Variants in ZNF91 observed in about 807,000 individuals in gnomAD.
The protein encoded by ZNF91 is zinc finger protein 91, also known as zinc finger protein 91 (HPF7, HTF10).
In ZNF91, 7 loss-of-function variants were observed where a neutral mutation model predicts 12.6. That is an observed-to-expected ratio of 0.55 (90% CI 0.31 to 1.04). The LOEUF is 1.04. Among genes scored for constraint, ZNF91 ranks in the 50% least tolerant of loss-of-function variants. ZNF91 has a pLI of 0.05. For synonymous variants in ZNF91, 453 were observed against 462.6 expected (o/e 0.98, Z 0.27); for missense variants, 1,217 against 1,385.4 (o/e 0.88, Z 1.93).
At chr19:23,388,590 G>C (rs1015848394) in intron 1 of ZNF91, among the ~76,000 whole-genome samples, 1 of 152,178 alleles carries the variant, frequency 6.6e-6, no homozygotes, top group Non-Finnish European at 1.5e-5. Flanking sequence ...CCAATGCGGA[G>C]GCCAAATGCA....
At chr19:23,388,293 A>G (rs556632752) in intron 1 of ZNF91, among the ~76,000 whole-genome samples, 1 of 152,120 alleles carries the variant, frequency 6.6e-6, no homozygotes, top group Admixed American at 6.5e-5. Flanking sequence ...CATAAACATC[A>G]TGGAATACCG....
At chr19:23,366,238 C>A (rs575011454) in intron 3 of ZNF91, among the ~76,000 whole-genome samples, 1 of 151,152 alleles carries the variant, frequency 6.6e-6, no homozygotes, top group East Asian at 2.0e-4. Context: ...GCTGGCCGGG[C>A]GGGGGGCTGA....
intron 3 of ZNF91, among the ~76,000 whole-genome samples, chr19:23,364,193 C>T (rs1433668884): frequency 6.6e-6 from 1 of 152,160 alleles, no homozygotes; most frequent in South Asian, 2.1e-4. Context: ...GTGACACATG[C>T]CTGTAATCCC....
chr19:23,306,330 C>T (rs1967398461), intron 3 of ZNF91, among the ~76,000 whole-genome samples: 2 of 152,198 alleles, frequency 1.3e-5, no homozygotes, highest in South Asian at 2.1e-4. Flanking sequence ...TGCACCTTCA[C>T]AGAACCTTCA....
At chr19:23,372,418 C>T (rs1969318735) in intron 3 of ZNF91, among the ~76,000 whole-genome samples, 1 of 152,080 alleles carries the variant, frequency 6.6e-6, no homozygotes. Flanking sequence ...TTGCAAGACC[C>T]CATCTCAAAA....
chr19:23,310,986 A>T (rs1162529126), upstream of ZNF91, among the ~76,000 whole-genome samples: 1 of 152,104 alleles, frequency 6.6e-6, no homozygotes, highest in Non-Finnish European at 1.5e-5. Context: ...TCACCTGGAA[A>T]ATGTGACTCT....
intron 3 of ZNF91, among the ~76,000 whole-genome samples, chr19:23,364,376 C>A (rs1266902749): frequency 6.6e-6 from 1 of 152,026 alleles, no homozygotes. Flanking sequence ...AACCCGGAGG[C>A]AGTGGTTGTG....
intron 1 of ZNF91, among the ~76,000 whole-genome samples, chr19:23,379,389 T>G (rs1969616474): frequency 6.6e-6 from 1 of 152,208 alleles, no homozygotes; most frequent in Non-Finnish European, 1.5e-5. Flanking sequence ...TAATTTTTAT[T>G]AATTCTCTTC....
At chr19:23,368,562 C>CTCTCTATATATATA (rs768532900) in intron 3 of ZNF91, among the ~76,000 whole-genome samples, 2 of 118,578 alleles carry the variant, frequency 1.7e-5, no homozygotes, top group East Asian at 3.1e-4. Context: ...CTCTCTCTCT[C>CTCTCTATATATATA]TATATATATA....
chr19:23,357,475 A>G (rs567236011), downstream of ZNF91, among the ~76,000 whole-genome samples: 1 of 152,278 alleles, frequency 6.6e-6, no homozygotes, highest in South Asian at 2.1e-4. Flanking sequence ...CCTTAAAATG[A>G]TTTTGTTCCA....
Position 23,358,898 on chromosome 19 carries a change from T to C in ZNF91, c.*505A>G, listed in dbSNP as rs1013828607. Reference sequence around the variant, plus strand: ...TCTCCAGTATGAATAATATTATGTCTGTTAAGAATTCAGGACTTTTTATAG... The same window carrying C: ...TCTCCAGTATGAATAATATTATGTCCGTTAAGAATTCAGGACTTTTTATAG... On this transcript the variant is annotated 3_prime_UTR_variant, in exon 4 of 4. Transcript: ENST00000300619. 13 of 212,588 alleles carry C rather than the reference T, an allele frequency of 6.1e-5. No homozygotes were observed. The highest frequency in any genetic ancestry group is 3.1e-4 in the African/African-American group (13 of 42,468). The allele number at this position is 212,588 out of a possible 1,614,324, so 13.2% of individuals were successfully genotyped here.
chr19:23,362,899 A>G (rs1968870494), intron 3 of ZNF91, among the ~76,000 whole-genome samples, 174 bp from the exon 4 acceptor site: 1 of 152,134 alleles, frequency 6.6e-6, no homozygotes, highest in Admixed American at 6.6e-5. Flanking sequence ...TTTGAGACGG[A>G]GTCTCGCTCT....
rs529512977 is a variant in ZNF91 at position 23,345,708 on chromosome 19, TC to T, written c.254-6655del. 7.8e-4 allele frequency among the ~76,000 whole-genome samples: 118 copies of T among 152,168 alleles called. 1 individual carries two copies. The highest frequency in any genetic ancestry group is 1.2e-3 in the Non-Finnish European group (81 of 68,022). On this transcript the variant is annotated intron_variant, in intron 3 of 3. Coordinates refer to the ZNF91 transcript ENST00000599743. ...CTTTCACCCCCAAGCCTTTTCTTTA[TC>T]TTCTCAGCCACAATCTTCTCAGTCA...
chr19:23,369,028 T>C (rs1239014398), intron 3 of ZNF91, among the ~76,000 whole-genome samples: 1 of 152,008 alleles, frequency 6.6e-6, no homozygotes, highest in African/African-American at 2.4e-5. Context: ...AATGAAACCC[T>C]TGGCTGGGCA....
downstream of ZNF91, among the ~76,000 whole-genome samples, chr19:23,356,700 C>A (rs1471585822): frequency 6.6e-6 from 1 of 152,078 alleles, no homozygotes; most frequent in Non-Finnish European, 1.5e-5. Context: ...CTCAACTAAC[C>A]AAATACCACC....
downstream of ZNF91, among the ~76,000 whole-genome samples, chr19:23,356,735 A>ATTT (rs1375372401): frequency 2.4e-3 from 371 of 152,340 alleles, 2 homozygotes; most frequent in African/African-American, 8.7e-3. Context: ...TTATGGAACA[A>ATTT]TAAAATTTTA....
chr19:23,316,525 G>A (rs1290672940), intron 1 of ZNF91, among the ~76,000 whole-genome samples: 1 of 152,044 alleles, frequency 6.6e-6, no homozygotes, highest in Non-Finnish European at 1.5e-5. Flanking sequence ...CAGGTGATGT[G>A]ACTCTTCTGC....
At position 23,362,588 on chromosome 19, in the gene ZNF91, C is replaced by A. The variant is rs1236240444; in HGVS notation, c.391G>T (p.Glu131Ter). ...TAACCTTCTTTGTGCACCTTACACT[C>A]ATCCACACTTTTACAACCTTTTCTT... Reference protein sequence around the residue: ...QLRKGCKSVDECKVHKEGYNK... With the variant: ...QLRKGCKSVD Residue 131 changes from glutamate (E) to a stop codon, truncating the protein, a stop_gained, in exon 4 of 4, where the codon GAG becomes TAG. Coordinates refer to ENST00000300619, the MANE Select transcript of ZNF91 (RefSeq NM_003430.4). LOFTEE classifies it low-confidence loss of function (END_TRUNC). 1 of 1,601,436 alleles carries A rather than the reference C, an allele frequency of 6.2e-7. No homozygotes were observed.
intron 3 of ZNF91, among the ~76,000 whole-genome samples, chr19:23,369,418 T>A (rs1969173921): frequency 6.6e-6 from 1 of 151,376 alleles, no homozygotes; most frequent in Admixed American, 6.6e-5. Flanking sequence ...CGCTGCCCCG[T>A]CCGGGAGGTG....
Sources: allele counts gnomAD v4.1 joint callset (sites outside exome capture counted in the v4.1 genomes callset), GRCh38; gene constraint gnomAD v4.1.1; transcripts MANE v1.5; gene names NCBI Gene and HGNC (gene_info 2026-07-23, HGNC 2026-07-21).